The following MEX3B variants were observed in gnomAD, a reference collection of about 807,000 sequenced individuals.
The protein encoded by MEX3B is RNA-binding protein MEX3B.
Under a neutral mutation model 12.2 loss-of-function variants are expected in MEX3B, and 10 were observed. The ratio of observed to expected loss-of-function variants is 0.82; its 90% CI spans 0.51 to 1.40. The LOEUF (loss-of-function observed/expected upper bound fraction) is 1.40. Ranked by LOEUF, MEX3B falls within the 40% of genes most tolerant of loss-of-function variation. The pLI is 0.00. For missense variants in MEX3B, 839 were observed against 801.4 expected (o/e 1.05, Z -0.57); for synonymous variants, 498 against 356.3 (o/e 1.40, Z -4.48).
intron 1 of MEX3B, chr15:82,045,201 G>A: frequency 1.6e-6 from 1 of 627,790 alleles, no homozygotes; most frequent in Admixed American, 2.5e-5. Flanking sequence ...GGGCTGGTTG[G>A]GGGGCGTTAG....
At position 82,043,093 on chromosome 15, in the gene MEX3B, G is replaced by C; in HGVS notation, c.*67C>G. The C allele has an allele frequency of 7.3e-7, 1 of 1,377,044 alleles. No homozygotes were observed. The highest frequency in any genetic ancestry group is 9.4e-7 in the Non-Finnish European group (1 of 1,060,524). 85.3% of individuals were successfully genotyped at this position (1,377,044 alleles called of 1,614,324 possible). A position where few individuals can be genotyped will look rare whatever the true frequency, so the allele number is the denominator to read the frequency against. On this transcript the variant is annotated 3_prime_UTR_variant, in exon 2 of 2. Coordinates refer to ENST00000329713, the MANE Select transcript of MEX3B (RefSeq NM_032246.6). ...CACCCAGGGAGGCAGGCGAGCGCTG[G>C]GGAAAGAGGGTGGGGAGGGGTTCCC...
At position 82,043,361 on chromosome 15, in the gene MEX3B, AGAGCTGGAGGAG is replaced by A. The variant is rs1373888943; in HGVS notation, c.1497_1508del (p.Ser505_Ser508del). Reference sequence around the variant, plus strand: ...GCCGAAGCCCGGAGGAAGAGGATGAAGAGCTGGAGGAGGAGCTGGACGAAGAGGAGGAGCCCG... The same window carrying A: ...GCCGAAGCCCGGAGGAAGAGGATGAAGAGCTGGACGAAGAGGAGGAGCCCG... On this transcript the variant is annotated inframe_deletion, in exon 2 of 2. Transcript: ENST00000329713. 1 of 1,591,200 alleles carries A rather than the reference AGAGCTGGAGGAG, an allele frequency of 6.3e-7. No homozygotes were observed. Among genetic ancestry groups the A allele is most frequent in the Non-Finnish European group, 8.6e-7 (1 of 1,168,666 alleles).
At chr15:82,045,313 G>A (rs1195306701) in intron 1 of MEX3B, 137 bp downstream of exon 1, 6 of 1,058,430 alleles carry the variant, frequency 5.7e-6, no homozygotes, top group Non-Finnish European at 8.4e-6. Flanking sequence ...TGGGGCGCCG[G>A]CCCATCGCGC....
rs2073241418 is a variant in MEX3B, at chr15:82,044,178, C to A, written c.692G>T (p.Gly231Val). 6.2e-7 allele frequency: 1 copy of A among 1,613,898 alleles called. No homozygotes were observed. The highest frequency in any genetic ancestry group is 8.5e-7 in the Non-Finnish European group (1 of 1,180,052). Residue 231 changes from glycine (G) to valine (V), a missense_variant, in exon 2 of 2, where the codon GGC becomes GTC. Physicochemically the swap from Gly to Val is moderately radical, Grantham distance 109. Around this residue, in one of 3 missense-constraint regions of MEX3B, gnomAD observed 573 missense variants for 488.9 expected, o/e 1.17. Transcript: ENST00000329713. The surrounding 1 kb of genome is among the most constrained non-coding windows in gnomAD (Gnocchi z 5.3). ...GTTCTCGTCTGTGAGCTCAATGATG[C>A]CGCCGGTACGCAGAGCAATGTGCGC... ...IEAHIALRTG[G>V]IIELTDENDF...
In MEX3B at chr15:82,043,342, G is replaced by A. The variant is rs771120498; in HGVS notation, c.1528C>T (p.Leu510Phe). Residue 510 changes from leucine to phenylalanine, a missense_variant, in exon 2 of 2, where the codon CTT becomes TTT. Leu to Phe is a conservative substitution (Grantham distance 22). Transcript: ENST00000329713. ...SSSSSSSSSGLRRKGSRDCSV... is the reference protein window; with the variant it reads ...SSSSSSSSSGFRRKGSRDCSV... ...CAGTCGCGGCTGCCTTTACGCCGAA[G>A]CCCGGAGGAAGAGGATGAAGAGCTG... 1.3e-6 allele frequency: 2 copies of A among 1,599,040 alleles called. No homozygotes were observed. The highest frequency in any genetic ancestry group is 1.7e-6 in the Non-Finnish European group (2 of 1,172,372).
intron 1 of MEX3B, 80 bp downstream of exon 1, chr15:82,045,370 C>T (rs764842725): frequency 4.0e-6 from 6 of 1,500,386 alleles, no homozygotes; most frequent in Non-Finnish European, 5.4e-6. Flanking sequence ...GATCCCGATA[C>T]TGAACACGCC....
chr15:82,044,498 C>G lies in MEX3B; in HGVS notation c.372G>C (p.Arg124=). 6.2e-7 allele frequency: 1 copy of G among 1,614,104 alleles called. No homozygotes were observed. Among genetic ancestry groups the G allele is most frequent in the African/African-American group, 1.3e-5 (1 of 75,052 alleles). The change falls in exon 2 of 2, where the codon CGG becomes CGC. Residue 124 remains arginine, a synonymous_variant. Transcript: ENST00000329713. This position sits in a 1 kb window ranked among gnomAD's most constrained non-coding sequence, Gnocchi z 5.3. ...TGRKEDVAMA[R]REIISAAEHF... ...GCTCGGCAGCAGAGATGATCTCCCT[C>G]CGAGCCATGGCCACATCCTCCTTCC... is the stretch of plus-strand genomic sequence containing the variant.
At position 82,043,062 on chromosome 15, in the gene MEX3B, G is replaced by T. The variant is rs1596005828; in HGVS notation, c.*98C>A. On this transcript the variant is annotated 3_prime_UTR_variant, in exon 2 of 2. Transcript: ENST00000329713. ...TGGGGCCGGGAAGGAGAAGGGAGAG[G>T]GGGGGCACCCAGGGAGGCAGGCGAG... The T allele has an allele frequency of 1.8e-6, 2 of 1,125,800 alleles. No homozygotes were observed. Among genetic ancestry groups the T allele is most frequent in the Admixed American group, 3.4e-5 (1 of 29,080 alleles). The allele number at this position is 1,125,800 out of a possible 1,614,324, so 69.7% of individuals were successfully genotyped here. A position where few individuals can be genotyped will look rare whatever the true frequency, so the allele number is the denominator to read the frequency against.
Position 82,044,851 on chromosome 15 carries a change from T to G in MEX3B, c.257-238A>C, listed in dbSNP as rs1844221635. 3 of 596,536 alleles carry G rather than the reference T, an allele frequency of 5.0e-6. No homozygotes were observed. The highest frequency in any genetic ancestry group is 2.0e-5 in the South Asian group (1 of 50,618). 37.0% of individuals were successfully genotyped at this position (596,536 alleles called of 1,614,324 possible). On this transcript the variant is annotated intron_variant, in intron 1 of 1. Transcript: ENST00000329713. The surrounding 1 kb of genome is among the most constrained non-coding windows in gnomAD (Gnocchi z 5.3). ...CATTGGCTGCCTGGCCCTCCCCCAG[T>G]GACTGCAGTCGTCCCGAACCAAACC...
chr15:82,043,262 G>C lies in MEX3B; in HGVS notation c.1608C>G (p.Asn536Lys), dbSNP rs773964056. Reference sequence around the variant, plus strand: ...GATTGGCGCACTCCATGCAGAAGAGGTTGTGGCCACAGGGCACCAGCGCGG... The same window carrying C: ...GATTGGCGCACTCCATGCAGAAGAGCTTGTGGCCACAGGGCACCAGCGCGG... ...VIAALVPCGH[N>K]LFCMECANRI... The change falls in exon 2 of 2, where the codon AAC becomes AAG. Residue 536 changes from asparagine to lysine, a missense_variant. By Grantham distance (94) the Asn-to-Lys change is moderately conservative (BLOSUM62 0). Coordinates refer to ENST00000329713, the MANE Select transcript of MEX3B (RefSeq NM_032246.6). 1.2e-6 allele frequency: 2 copies of C among 1,611,376 alleles called. No homozygotes were observed. Among genetic ancestry groups the C allele is most frequent in the Admixed American group, 1.7e-5 (1 of 59,674 alleles).
rs2073255508 is a variant in MEX3B, at chr15:82,045,852, AG to A, written c.-148del. On this transcript the variant is annotated 5_prime_UTR_variant, in exon 1 of 2. Transcript: ENST00000329713. ...CCGTTGCTTCTTCCTCGGTGCTGGG[AG>A]GAGTGGGTCGCTCCGTGCGGTCCGC... The A allele has an allele frequency of 1.1e-6, 1 of 909,440 alleles. No individual in the cohort carries two copies. Among genetic ancestry groups the A allele is most frequent in the South Asian group, 3.4e-5 (1 of 29,464 alleles). The allele number at this position is 909,440 out of a possible 1,614,324, so 56.3% of individuals were successfully genotyped here.
rs961515550 is a variant in MEX3B, at chr15:82,043,873, T to G, written c.997A>C (p.Asn333His). 1 of 1,589,146 alleles carries G rather than the reference T, an allele frequency of 6.3e-7. No homozygotes were observed. The highest frequency in any genetic ancestry group is 1.1e-5 in the South Asian group (1 of 87,434). Reference protein sequence around the residue: ...PALSFAHNGNNNNNGNGYTYT... With the variant: ...PALSFAHNGNHNNNGNGYTYT... ...GTGTACCCATTGCCGTTATTGTTAT[T>G]GTTTCCGTTGTGCGCAAAGCTCAGG... The change falls in exon 2 of 2, where the codon AAT becomes CAT. Residue 333 changes from asparagine (N) to histidine (H), a missense_variant. Around this residue, in one of 3 missense-constraint regions of MEX3B, gnomAD observed 573 missense variants for 488.9 expected, o/e 1.17. Transcript: ENST00000329713.
At position 82,043,521 on chromosome 15, in the gene MEX3B, C is replaced by A. The variant is rs1342542663; in HGVS notation, c.1349G>T (p.Gly450Val). 1.3e-6 allele frequency: 2 copies of A among 1,515,006 alleles called. No individual in the cohort carries two copies. The highest frequency in any genetic ancestry group is 1.3e-5 in the South Asian group (1 of 77,722). The allele number at this position is 1,515,006 out of a possible 1,614,324, so 93.8% of individuals were successfully genotyped here. ...GCGAGCCAGGTGGTGCTCTCCCGCCCCCGGGGCCATGTGCAAGGGTGGAGA... is the reference window on the plus strand; with the variant it reads ...GCGAGCCAGGTGGTGCTCTCCCGCCACCGGGGCCATGTGCAAGGGTGGAGA... ...RLSPPLHMAP[G>V]AGEHHLARRV... The change falls in exon 2 of 2, where the codon GGG becomes GTG. Residue 450 changes from glycine (G) to valine (V), a missense_variant. Physicochemically the swap from Gly to Val is moderately radical, Grantham distance 109. Around this residue, in one of 3 missense-constraint regions of MEX3B, gnomAD observed 573 missense variants for 488.9 expected, o/e 1.17. Coordinates refer to ENST00000329713, the MANE Select transcript of MEX3B (RefSeq NM_032246.6).
At chr15:82,045,159 G>C in intron 1 of MEX3B, 1 of 612,068 alleles carries the variant, frequency 1.6e-6, no homozygotes, top group Admixed American at 2.8e-5. Flanking sequence ...CCTCCCCCAA[G>C]CATCTTACAT....
Position 82,045,899 on chromosome 15 carries a change from G to A in MEX3B, c.-194C>T. ...TCCGCACCGGGCAGTGGCTGCAGGA[G>A]CCCCCACCTGGGTCCCCACCCCAGA... On this transcript the variant is annotated 5_prime_UTR_variant, in exon 1 of 2. Coordinates refer to ENST00000329713, the MANE Select transcript of MEX3B (RefSeq NM_032246.6). 1 of 532,284 alleles carries A rather than the reference G, an allele frequency of 1.9e-6. No individual in the cohort carries two copies. Among genetic ancestry groups the A allele is most frequent in the Non-Finnish European group, 2.9e-6 (1 of 346,888 alleles). 33.0% of individuals were successfully genotyped at this position (532,284 alleles called of 1,614,324 possible).
Position 82,043,943 on chromosome 15 carries a change from T to C in MEX3B, c.927A>G (p.Ala309=), listed in dbSNP as rs1435883668. The C allele has an allele frequency of 1.2e-6, 2 of 1,606,550 alleles. No homozygotes were observed. Among genetic ancestry groups the C allele is most frequent in the South Asian group, 1.1e-5 (1 of 90,770 alleles). Residue 309 remains alanine (A), a synonymous_variant, in exon 2 of 2, where the codon GCA becomes GCG. Coordinates refer to ENST00000329713, the MANE Select transcript of MEX3B (RefSeq NM_032246.6). ...SYFGGGTSSS[A]AATQRLADYS... ...AGTCCGCCAGGCGCTGGGTAGCCGC[T>C]GCGCTGCTGCTGGTCCCGCCGCCGA...
In MEX3B at chr15:82,042,636, C is replaced by T. The variant is rs1047217815; in HGVS notation, c.*524G>A. 1 of 152,576 alleles carries T rather than the reference C, an allele frequency of 6.6e-6. No individual in the cohort carries two copies. The highest frequency in any genetic ancestry group is 1.5e-5 in the Non-Finnish European group (1 of 68,058). 9.5% of individuals were successfully genotyped at this position (152,576 alleles called of 1,614,324 possible). A position where few individuals can be genotyped will look rare whatever the true frequency, so the allele number is the denominator to read the frequency against. On this transcript the variant is annotated 3_prime_UTR_variant, in exon 2 of 2. Transcript: ENST00000329713. ...TCCTGGTTTCACAGGAACTCCTGGCCCTTCCACGAACATTCAAAAAGGATC... is the reference window on the plus strand; with the variant it reads ...TCCTGGTTTCACAGGAACTCCTGGCTCTTCCACGAACATTCAAAAAGGATC...
At position 82,042,145 on chromosome 15, in the gene MEX3B, TAGAA is replaced by T. The variant is rs1453386182; in HGVS notation, c.*1011_*1014del. The T allele has an allele frequency of 6.6e-6, 1 of 152,652 alleles. No homozygotes were observed. The allele number at this position is 152,652 out of a possible 1,614,324, so 9.5% of individuals were successfully genotyped here. A position where few individuals can be genotyped will look rare whatever the true frequency, so the allele number is the denominator to read the frequency against. On this transcript the variant is annotated 3_prime_UTR_variant, in exon 2 of 2. Transcript: ENST00000329713. ...CACTGAATTCTATTTATACAAATGT[TAGAA>T]AGCATCAACAGTTCTTTTTGACATG...
Position 82,045,663 on chromosome 15 carries a change from CGCTGCCGTT to C in MEX3B, c.34_42del (p.Asn12_Ser14del), listed in dbSNP as rs1567018095. The C allele has an allele frequency of 6.4e-7, 1 of 1,556,362 alleles. No homozygotes were observed. Reference sequence around the variant, plus strand: ...CCGCTGCTGCCGCCGCCGCCGCCGCCGCTGCCGTTGCGCTCCAGGTCTGCGAACAGCGAG... The same window carrying C: ...CCGCTGCTGCCGCCGCCGCCGCCGCCGCGCTCCAGGTCTGCGAACAGCGAG... On this transcript the variant is annotated inframe_deletion, in exon 1 of 2. Transcript: ENST00000329713.
Sources: gnomAD v4.1 joint callset for allele counts on GRCh38, gnomAD v4.1.1 for gene constraint, gnomAD v4.1.1 regional missense constraint, Gnocchi (gnomAD v3.1) non-coding constraint, MANE v1.5 for transcripts, NCBI Gene and HGNC (gene_info 2026-07-23, HGNC 2026-07-21) for gene names.